Variants in NBEA observed in about 807,000 individuals in gnomAD.
The protein encoded by NBEA is neurobeachin, also known as lysosomal-trafficking regulator 2.
A neutral mutation model predicts 343.4 loss-of-function variants in NBEA; 44 were observed. The observed-to-expected ratio is 0.13, with a 90% CI of 0.10 to 0.16. The LOEUF is 0.16. NBEA is among the 10% of genes least tolerant of loss of function. NBEA has a pLI of 1.00. For synonymous variants in NBEA, 1,175 were observed against 1,238.7 expected, an observed-to-expected ratio of 0.95 and a Z score of 1.08; for missense variants, 2,555 against 3,631.3, an observed-to-expected ratio of 0.70 and a Z score of 7.62.
At chr13:35,573,637 T>A (rs1777665) in intron 45 of NBEA, among the ~76,000 whole-genome samples, 4 of 152,016 alleles carry the variant, frequency 2.6e-5, no homozygotes, top group South Asian at 4.2e-4. Flanking sequence ...TCCTTCCCAC[T>A]TAGCCAGCTG....
rs369438981 is a variant in NBEA at position 35,145,783 on chromosome 13, A to T, written c.2445+3406A>T. 2.9e-4 allele frequency among the ~76,000 whole-genome samples: 44 copies of T among 152,308 alleles called. No homozygotes were observed. The South Asian group carries it at 8.7e-3, about 30-fold the overall frequency. ...GGTAAATGTGGTAGAAGGATTTGGCACTTTAGGATGTAAGGGAATTACAGC... is the reference window on the plus strand; with the variant it reads ...GGTAAATGTGGTAGAAGGATTTGGCTCTTTAGGATGTAAGGGAATTACAGC... On this transcript the variant is annotated intron_variant, in intron 18 of 58. Coordinates refer to ENST00000379939, the MANE Select transcript of NBEA (RefSeq NM_001385012.1).
intron 35 of NBEA, among the ~76,000 whole-genome samples, chr13:35,304,662 C>G (rs989484661): frequency 6.6e-6 from 1 of 152,108 alleles, no homozygotes. Flanking sequence ...TTTTGACAGT[C>G]TGTTACCCTG....
intron 46 of NBEA, among the ~76,000 whole-genome samples, chr13:35,592,213 A>G (rs1182773543): frequency 1.3e-5 from 2 of 152,112 alleles, no homozygotes; most frequent in African/African-American, 4.8e-5. Flanking sequence ...GGCAGACACT[A>G]TGTTATCCAA....
intron 36 of NBEA, among the ~76,000 whole-genome samples, chr13:35,326,132 GCTCT>G (rs982491485): frequency 2.0e-5 from 3 of 152,018 alleles, no homozygotes; most frequent in Non-Finnish European, 2.9e-5. Flanking sequence ...GGCTGTTCAG[GCTCT>G]CTTTTAGTTC....
chr13:35,159,212 G>T lies in NBEA; in HGVS notation c.3041G>T (p.Ser1014Ile). ...EDLSQSQSPE[S>I]ETDYPVSTDT... The stretch of plus-strand genomic sequence containing the variant: ...CTTTCACAAAGCCAGAGCCCAGAAA[G>T]TGAGACCGATTACCCTGTCAGCACA... Residue 1014 changes from serine to isoleucine, a missense_variant, in exon 22 of 59, where the codon AGT becomes ATT. Ser to Ile is a moderately radical substitution (Grantham distance 142). Around this residue, in one of 21 missense-constraint regions of NBEA, gnomAD observed 367 missense variants for 377.5 expected, o/e 0.97. Transcript: ENST00000379939. 1.2e-6 allele frequency: 2 copies of T among 1,613,612 alleles called. No individual in the cohort carries two copies. Among genetic ancestry groups the T allele is most frequent in the Non-Finnish European group, 1.7e-6 (2 of 1,179,656 alleles).
chr13:35,007,658 A>G (rs2061361925), intron 1 of NBEA, among the ~76,000 whole-genome samples: 1 of 151,890 alleles, frequency 6.6e-6, no homozygotes, highest in Non-Finnish European at 1.5e-5. Context: ...TGCCACAGCT[A>G]ATTTTTTTTG....
At chr13:35,103,210 G>A (rs1284306214) in intron 11 of NBEA, among the ~76,000 whole-genome samples, 4 of 151,318 alleles carry the variant, frequency 2.6e-5, no homozygotes, top group Non-Finnish European at 5.9e-5. Flanking sequence ...CTGGACTCTC[G>A]TTTACTCCTA....
At chr13:35,565,737 C>G (rs2080106613) in intron 44 of NBEA, among the ~76,000 whole-genome samples, 1 of 152,068 alleles carries the variant, frequency 6.6e-6, no homozygotes, top group Non-Finnish European at 1.5e-5. Flanking sequence ...TGAGGGGGGG[C>G]CGCAGCTTGC....
chr13:35,441,696 A>G (rs1225608979), intron 39 of NBEA, among the ~76,000 whole-genome samples: 2 of 152,118 alleles, frequency 1.3e-5, no homozygotes, highest in African/African-American at 4.8e-5. Context: ...AAATGATTGG[A>G]TTGAGATCAA....
chr13:35,600,218 A>G (rs545052156), intron 47 of NBEA, among the ~76,000 whole-genome samples: 1 of 152,318 alleles, frequency 6.6e-6, no homozygotes, highest in South Asian at 2.1e-4. Context: ...ACTGAAGATA[A>G]TGGGTAAGGC....
chr13:35,278,438 T>A (rs2034800222), intron 34 of NBEA, among the ~76,000 whole-genome samples: 1 of 152,192 alleles, frequency 6.6e-6, no homozygotes, highest in Non-Finnish European at 1.5e-5. Context: ...TAAGAGCCTT[T>A]ATTGGTCCCA....
intron 1 of NBEA, among the ~76,000 whole-genome samples, chr13:35,017,267 A>T (rs2061689730): frequency 6.6e-6 from 1 of 152,174 alleles, no homozygotes; most frequent in Non-Finnish European, 1.5e-5. Context: ...GGATGTTTCC[A>T]TCTGTACACT....
chr13:35,280,510 A>G (rs1234376931), intron 34 of NBEA, among the ~76,000 whole-genome samples: 1 of 152,132 alleles, frequency 6.6e-6, no homozygotes, highest in Non-Finnish European at 1.5e-5. Context: ...TAATAATCAC[A>G]ATAGGAATTA....
chr13:35,037,445 G>A (rs1458899377), intron 1 of NBEA, among the ~76,000 whole-genome samples: 2 of 152,126 alleles, frequency 1.3e-5, no homozygotes, highest in African/African-American at 4.8e-5. Context: ...TTTCTGGATA[G>A]TGTTAATGCT....
chr13:35,250,988 C>G (rs965524723), intron 34 of NBEA: 1 of 153,062 alleles, frequency 6.5e-6, no homozygotes. Context: ...GTAACTCTAA[C>G]GTTCATGGGG....
chr13:35,065,884 G>A (rs2063632802), intron 8 of NBEA, among the ~76,000 whole-genome samples: 1 of 151,932 alleles, frequency 6.6e-6, no homozygotes, highest in Admixed American at 6.6e-5. Context: ...AATATACTTT[G>A]TATTATATCT....
At chr13:35,527,444 A>G (rs976102708) in intron 41 of NBEA, among the ~76,000 whole-genome samples, 2 of 152,040 alleles carry the variant, frequency 1.3e-5, no homozygotes, top group African/African-American at 4.8e-5. Context: ...CATCCACAGC[A>G]CCCAAGCTGT....
intron 1 of NBEA, among the ~76,000 whole-genome samples, chr13:34,943,856 A>G (rs1375980051): frequency 6.6e-6 from 1 of 152,198 alleles, no homozygotes; most frequent in Non-Finnish European, 1.5e-5. Context: ...ACTAAAGGAA[A>G]GGTTTTAAAC....
intron 13 of NBEA, among the ~76,000 whole-genome samples, chr13:35,113,313 TAAC>T (rs1439434712): frequency 6.6e-6 from 1 of 152,176 alleles, no homozygotes; most frequent in Non-Finnish European, 1.5e-5. Context: ...CAAGTGATGT[TAAC>T]TTTAAACATT....
Sources: allele counts gnomAD v4.1 joint callset (sites outside exome capture counted in the v4.1 genomes callset), GRCh38; gene constraint gnomAD v4.1.1; regional missense constraint gnomAD v4.1.1; transcripts MANE v1.5; gene names NCBI Gene and HGNC (gene_info 2026-07-23, HGNC 2026-07-21).